Variants in RRM2 observed in about 807,000 individuals in gnomAD.
RRM2 encodes ribonucleotide reductase regulatory subunit M2, also known as ribonucleoside-diphosphate reductase subunit M2.
Under a neutral mutation model 45.9 loss-of-function variants are expected in RRM2, and 6 were observed. The ratio of observed to expected loss-of-function variants is 0.13; its 90% CI spans 0.07 to 0.26. RRM2 has a LOEUF of 0.26. Among genes scored for constraint, RRM2 ranks in the 10% least tolerant of loss-of-function variants. The pLI is 1.00. For synonymous variants in RRM2, 177 were observed against 173.0 expected (o/e 1.02, Z -0.18); for missense variants, 343 against 489.5 (o/e 0.70, Z 2.82).
chr2:10,147,042 T>A (rs184702986), intron 3 of RRM2, among the ~76,000 whole-genome samples: 84 of 152,256 alleles, frequency 5.5e-4, no homozygotes, highest in African/African-American at 1.9e-3. Flanking sequence ...AACCTCTGCC[T>A]CCCGGGTTCA....
At position 10,195,439 on chromosome 2, in the gene RRM2, G is replaced by A. The variant is rs368359465; in HGVS notation, n.483-14872G>A. Among the ~76,000 whole-genome samples, 8 of 152,206 alleles carry A rather than the reference G, an allele frequency of 5.3e-5. No individual in the cohort carries two copies. Among genetic ancestry groups the A allele is most frequent in the African/African-American group, 1.7e-4 (7 of 41,454 alleles). On this transcript the variant is annotated intron_variant and non_coding_transcript_variant, in intron 3 of 3. Coordinates refer to the RRM2 transcript ENST00000381786. This position sits in a 1 kb window ranked among gnomAD's most constrained non-coding sequence, Gnocchi z 4.9. ...CGAGTCCCCGCCGTGATGGGTCCCT[G>A]AAGCACCGGAGCCAGCAGCAGGAGC...
At chr2:10,124,218 A>G (rs1004674960) in intron 4 of RRM2, 1 of 261,276 alleles carries the variant, frequency 3.8e-6, no homozygotes, top group South Asian at 4.0e-5. Flanking sequence ...CGATTCCCCA[A>G]CCTCAGCCTC....
Position 10,169,333 on chromosome 2 carries a change from G to C in RRM2, n.482+26958G>C, listed in dbSNP as rs750813108. Among the ~76,000 whole-genome samples, 1 of 151,982 alleles carries C rather than the reference G, an allele frequency of 6.6e-6. No individual in the cohort carries two copies. The highest frequency in any genetic ancestry group is 1.5e-5 in the Non-Finnish European group (1 of 68,006). ...ACCCCCTTCAGGTGTAGTTTTAGAC[G>C]TGCAACATGAGGGGAAATCTTAGGT... On this transcript the variant is annotated intron_variant and non_coding_transcript_variant, in intron 3 of 3. Coordinates refer to the RRM2 transcript ENST00000381786. This position sits in a 1 kb window ranked among gnomAD's most constrained non-coding sequence, Gnocchi z 5.1.
downstream of RRM2, among the ~76,000 whole-genome samples, chr2:10,132,255 G>C (rs1572492284): frequency 6.6e-6 from 1 of 152,232 alleles, no homozygotes; most frequent in South Asian, 2.1e-4. Context: ...TCAGGAAGAT[G>C]GGGCGCTAAG....
Position 10,162,812 on chromosome 2 carries a change from C to A in RRM2, n.482+20437C>A, listed in dbSNP as rs974088245. 6.6e-5 allele frequency among the ~76,000 whole-genome samples: 10 copies of A among 152,344 alleles called. No individual in the cohort carries two copies. The Middle Eastern group carries it at 0.01, about 155-fold the overall frequency. On this transcript the variant is annotated intron_variant and non_coding_transcript_variant, in intron 3 of 3. Coordinates refer to the RRM2 transcript ENST00000381786. Reference sequence around the variant, plus strand: ...CTTGACAATAAGGCCATTGCACTTGCTATTCACATTGGGCCACCTGTGCCA... The same window carrying A: ...CTTGACAATAAGGCCATTGCACTTGATATTCACATTGGGCCACCTGTGCCA...
At chr2:10,166,894 G>A (rs1663694046) in intron 3 of RRM2, among the ~76,000 whole-genome samples, 1 of 152,230 alleles carries the variant, frequency 6.6e-6, no homozygotes, top group Non-Finnish European at 1.5e-5. Flanking sequence ...GGCGGGGTTG[G>A]GAGCGTGGCA....
chr2:10,209,596 C>CAT (rs1664722574), intron 3 of RRM2, among the ~76,000 whole-genome samples: 2 of 130,396 alleles, frequency 1.5e-5, no homozygotes, highest in Non-Finnish European at 3.3e-5. Flanking sequence ...TGTGTGCGCG[C>CAT]GCGTGTGTGT....
intron 3 of RRM2, among the ~76,000 whole-genome samples, chr2:10,153,203 G>A (rs369556759): frequency 2.6e-5 from 4 of 151,962 alleles, no homozygotes; most frequent in South Asian, 4.2e-4. Context: ...GTGTGCTGGC[G>A]CGCACCTGTA....
intron 3 of RRM2, among the ~76,000 whole-genome samples, chr2:10,161,654 ACT>A (rs1282598632): frequency 6.6e-6 from 1 of 150,910 alleles, no homozygotes; most frequent in Non-Finnish European, 1.5e-5. Flanking sequence ...TCACACATAC[ACT>A]CACACTCATG....
rs907144911 is a variant in RRM2, at chr2:10,205,761, C to T, written n.483-4550C>T. Among the ~76,000 whole-genome samples the T allele has an allele frequency of 2.0e-5, 3 of 151,846 alleles. No individual in the cohort carries two copies. Among genetic ancestry groups the T allele is most frequent in the Non-Finnish European group, 2.9e-5 (2 of 67,938 alleles). ...GGCTGGAGTGCAATGGTGCAATCTC[C>T]GCTCACTGCAACCTCTGCCTCCTGG... On this transcript the variant is annotated intron_variant and non_coding_transcript_variant, in intron 3 of 3. Transcript: ENST00000381786. The surrounding 1 kb of genome is among the most constrained non-coding windows in gnomAD (Gnocchi z 4.8).
At chr2:10,133,786 T>G (rs2125309710), downstream of RRM2, among the ~76,000 whole-genome samples, 1 of 151,746 alleles carries the variant, frequency 6.6e-6, no homozygotes, top group African/African-American at 2.4e-5. Context: ...ACCTTAGCCT[T>G]GGCTCTAGAG....
chr2:10,146,644 A>G (rs930700352), intron 3 of RRM2, among the ~76,000 whole-genome samples: 6 of 90,776 alleles, frequency 6.6e-5, no homozygotes, highest in African/African-American at 2.8e-4. Flanking sequence ...CAGGTGGGCC[A>G]TGCTTGGAGG....
chr2:10,203,103 A>C (rs574952649), intron 3 of RRM2, among the ~76,000 whole-genome samples: 87 of 152,324 alleles, frequency 5.7e-4, no homozygotes, highest in Non-Finnish European at 1.0e-3. Flanking sequence ...TCCCCTGGAA[A>C]TATCAGCCAT....
rs939363169 is a variant in RRM2, at chr2:10,141,942, C to T, written n.349C>T. Reference sequence around the variant, plus strand: ...GTGAGGGAGATGGAGACCAATCACCCACCCAGTGTGCGGTAAGTCAGACGG... The same window carrying T: ...GTGAGGGAGATGGAGACCAATCACCTACCCAGTGTGCGGTAAGTCAGACGG... On this transcript the variant is annotated non_coding_transcript_exon_variant, in exon 2 of 4. Transcript: ENST00000381786. The T allele has an allele frequency of 3.2e-6, 5 of 1,576,468 alleles. No homozygotes were observed. In the African/African-American group the frequency reaches 4.1e-5, roughly 13 times the overall value.
intron 3 of RRM2, among the ~76,000 whole-genome samples, chr2:10,167,474 G>A (rs1444401822): frequency 6.6e-6 from 1 of 152,134 alleles, no homozygotes; most frequent in Non-Finnish European, 1.5e-5. Flanking sequence ...CCTGTGCGTA[G>A]GATGTGGTAG....
chr2:10,166,759 T>G (rs1414215749), intron 3 of RRM2, among the ~76,000 whole-genome samples: 1 of 152,178 alleles, frequency 6.6e-6, no homozygotes, highest in African/African-American at 2.4e-5. Context: ...GTCATCACAT[T>G]CTATTTGCTG....
intron 3 of RRM2, among the ~76,000 whole-genome samples, chr2:10,149,174 G>A (rs545648300): frequency 2.0e-5 from 3 of 151,356 alleles, no homozygotes; most frequent in Admixed American, 6.6e-5. Context: ...TGTTGCTCAG[G>A]CTGGAGTGCA....
intron 3 of RRM2, among the ~76,000 whole-genome samples, chr2:10,190,727 C>CTTGGTGATGGTGGTGGTG (rs148220050): frequency 5.0e-5 from 3 of 60,262 alleles, no homozygotes; most frequent in East Asian, 3.4e-4. Context: ...GAGTGATGAT[C>CTTGGTGATGGTGGTGGTG]TTGGCGGTGA....
At chr2:10,157,070 G>A (rs1239255735) in intron 3 of RRM2, among the ~76,000 whole-genome samples, 2 of 137,972 alleles carry the variant, frequency 1.4e-5, no homozygotes, top group African/African-American at 2.7e-5. Flanking sequence ...CGCCCAGGCC[G>A]GACTGCGGAC....
Sources: allele counts gnomAD v4.1 joint callset (sites outside exome capture counted in the v4.1 genomes callset), GRCh38; gene constraint gnomAD v4.1.1; non-coding constraint Gnocchi (gnomAD v3.1); transcripts MANE v1.5; gene names NCBI Gene and HGNC (gene_info 2026-07-23, HGNC 2026-07-21).